FAM186A: variants seen among roughly 807,000 people sequenced by gnomAD.
The protein encoded by FAM186A is protein FAM186A.
In FAM186A, 163 loss-of-function variants were observed where a neutral mutation model predicts 216.8. The ratio of observed to expected loss-of-function variants is 0.75; its 90% CI spans 0.66 to 0.86. The LOEUF is 0.86. Ranked by LOEUF, FAM186A falls within the 40% of genes least tolerant of loss-of-function variation. The pLI is 0.00. For synonymous variants in FAM186A, 805 were observed against 1,025.3 expected (o/e 0.79, Z 4.10); for missense variants, 2,184 against 2,746.2 (o/e 0.80, Z 4.58).
intron 1 of FAM186A, among the ~76,000 whole-genome samples, chr12:50,379,964 GGAAA>G (rs80208853): frequency 0.96 from 145,980 of 152,022 alleles, 70,354 homozygotes; most frequent in East Asian, 1. Context: ...GGGAAAAGGT[GGAAA>G]GAAAGAAGGA....
chr12:50,369,996 C>T (rs889972003), intron 1 of FAM186A, among the ~76,000 whole-genome samples: 14 of 151,630 alleles, frequency 9.2e-5, no homozygotes, highest in South Asian at 2.1e-4. Flanking sequence ...TGGTGGTGGG[C>T]GCCTGTAGTC....
intron 7 of FAM186A, among the ~76,000 whole-genome samples, chr12:50,329,599 CTT>C (rs879714835): frequency 1.1e-4 from 15 of 140,132 alleles, no homozygotes; most frequent in Admixed American, 1.4e-4. Context: ...ATTAACACTA[CTT>C]TTTTTTTTTT....
chr12:50,335,285 G>C (rs971954005), intron 4 of FAM186A, among the ~76,000 whole-genome samples: 1 of 152,114 alleles, frequency 6.6e-6, no homozygotes, highest in Non-Finnish European at 1.5e-5. Flanking sequence ...GTGGCTATTT[G>C]TAATAAAAAT....
chr12:50,331,607 G>C (rs1942656629), intron 6 of FAM186A, 63 bp downstream of exon 6: 1 of 1,455,962 alleles, frequency 6.9e-7, no homozygotes, highest in Admixed American at 2.6e-5. Flanking sequence ...TTCTTGGGCA[G>C]GGAAAAAAAA....
intron 1 of FAM186A, among the ~76,000 whole-genome samples, chr12:50,374,649 C>T (rs1454060596): frequency 6.6e-6 from 1 of 152,116 alleles, no homozygotes; most frequent in Non-Finnish European, 1.5e-5. Flanking sequence ...AGGGTAATTT[C>T]CTCAACCTGA....
chr12:50,384,674 G>T (rs927279461), intron 1 of FAM186A, among the ~76,000 whole-genome samples: 6 of 147,400 alleles, frequency 4.1e-5, no homozygotes, highest in African/African-American at 1.5e-4. Flanking sequence ...TTTCAGCAAA[G>T]ATGCCAAAAA....
intron 4 of FAM186A, among the ~76,000 whole-genome samples, chr12:50,346,997 CAAAAAA>C (rs58421325): frequency 0.085 from 11,225 of 131,810 alleles, 852 homozygotes; most frequent in East Asian, 0.35. Context: ...GACTCTGTCT[CAAAAAA>C]AAAAAAAAAA....
intron 7 of FAM186A, among the ~76,000 whole-genome samples, chr12:50,329,119 C>T (rs1363646906): frequency 2.0e-5 from 3 of 151,506 alleles, no homozygotes; most frequent in Admixed American, 1.3e-4. Flanking sequence ...GACTCCGTCT[C>T]GAAAATGAAT....
rs1942909678 is a variant in FAM186A at position 50,352,635 on chromosome 12, G to A, written c.4197C>T (p.Leu1399=). The stretch of plus-strand genomic sequence containing the variant: ...CCAGTTCCTGAGCCTGCTGAGTGGT[G>A]AGAGGCATCCCCAAGGCCTGAGCCT... The part of the protein sequence containing the change: ...PQQAQALGMP[L]TTQQAQELGI... Residue 1399 remains leucine, a synonymous_variant, in exon 4 of 8, where the codon CTC becomes CTT. Transcript: ENST00000327337. 1 of 1,527,786 alleles carries A rather than the reference G, an allele frequency of 6.5e-7. No individual in the cohort carries two copies. Among genetic ancestry groups the A allele is most frequent in the Non-Finnish European group, 8.8e-7 (1 of 1,135,106 alleles). The allele number at this position is 1,527,786 out of a possible 1,614,324, so 94.6% of individuals were successfully genotyped here.
intron 7 of FAM186A, among the ~76,000 whole-genome samples, chr12:50,330,032 A>T (rs1254417291): frequency 6.6e-6 from 1 of 152,228 alleles, no homozygotes; most frequent in Non-Finnish European, 1.5e-5. Flanking sequence ...GTCCTGAAAG[A>T]GTTAATGCAG....
chr12:50,351,737 A>C lies in FAM186A; in HGVS notation c.5095T>G (p.Leu1699Val). 6.4e-7 allele frequency: 1 copy of C among 1,551,464 alleles called. No individual in the cohort carries two copies. Among genetic ancestry groups the C allele is most frequent in the Non-Finnish European group, 8.7e-7 (1 of 1,146,824 alleles). The change falls in exon 4 of 8, where the codon TTG becomes GTG. Residue 1699 changes from leucine to valine, a missense_variant. Leu to Val is a conservative substitution (Grantham distance 32). Transcript: ENST00000327337. ...TGCTTAAGGGTGAGGGGCGATCCCA[A>C]GGTATGGGCTTTATCTAAGGTGAGA... ...VPLTLDKAHT[L>V]GSPLTLKQVQ...
At chr12:50,329,304 A>T (rs1449151605) in intron 7 of FAM186A, among the ~76,000 whole-genome samples, 1 of 152,152 alleles carries the variant, frequency 6.6e-6, no homozygotes, top group Non-Finnish European at 1.5e-5. Flanking sequence ...TCATTAAATT[A>T]ACAATATTAT....
In FAM186A at chr12:50,350,381, AC is replaced by A. The variant is rs1942862628; in HGVS notation, c.6450del (p.Gln2150HisfsTer14). ...IIEILHMDTV[Q>X]LGYLFRKYIA... ...ATGTACTTGCGGAATAAGTATCCCA[AC>A]TGAACTGTGTCCATATGAAGTATCT... On this transcript the variant is annotated frameshift_variant, in exon 4 of 8. Transcript: ENST00000327337. LOFTEE classifies it high-confidence loss of function. 16 of 1,551,174 alleles carry A rather than the reference AC, an allele frequency of 1.0e-5. No individual in the cohort carries two copies. Among genetic ancestry groups the A allele is most frequent in the African/African-American group, 1.4e-5 (1 of 72,972 alleles).
intron 1 of FAM186A, among the ~76,000 whole-genome samples, chr12:50,391,024 C>T (rs769279793): frequency 4.0e-5 from 6 of 151,104 alleles, no homozygotes; most frequent in African/African-American, 9.7e-5. Context: ...AGTCTTGCTC[C>T]GTTGCCCAGG....
intron 1 of FAM186A, among the ~76,000 whole-genome samples, chr12:50,391,859 A>C (rs201297400): frequency 6.6e-6 from 1 of 152,316 alleles, no homozygotes; most frequent in East Asian, 1.9e-4. Flanking sequence ...ATGAAAGCAT[A>C]TATCTGTATA....
At chr12:50,342,749 AG>A (rs1375821302) in intron 4 of FAM186A, among the ~76,000 whole-genome samples, 1 of 147,862 alleles carries the variant, frequency 6.8e-6, no homozygotes, top group East Asian at 2.0e-4. Context: ...CTGGGATTAC[AG>A]GCGTGAGCCA....
rs1167515309 is a variant in FAM186A at position 50,383,249 on chromosome 12, TAAAAAAAAAA to T, written c.192+13034_192+13043del. Among the ~76,000 whole-genome samples the T allele has an allele frequency of 4.2e-3, 44 of 10,366 alleles. 2 individuals carry two copies. The East Asian group carries it at 0.051, about 12-fold the overall frequency. 6.8% of individuals were successfully genotyped at this position (10,366 alleles called of 152,430 possible). ...CTGGGTGACAGAGCAAGACTCCGTC[TAAAAAAAAAA>T]AAAAAAAAAAAAAAAAAAAAGAGAG... On this transcript the variant is annotated intron_variant, in intron 1 of 7. Transcript: ENST00000327337.
At chr12:50,383,577 C>CAGAGTG (rs1344755933) in intron 1 of FAM186A, among the ~76,000 whole-genome samples, 2 of 152,048 alleles carry the variant, frequency 1.3e-5, no homozygotes, top group African/African-American at 4.8e-5. Context: ...GCCTGGGCAA[C>CAGAGTG]AGAGTGAGAC....
chr12:50,354,259 C>G lies in FAM186A; in HGVS notation c.2573G>C (p.Ser858Thr), dbSNP rs1397715758. 1.3e-6 allele frequency: 2 copies of G among 1,551,626 alleles called. No homozygotes were observed. Among genetic ancestry groups the G allele is most frequent in the Non-Finnish European group, 8.7e-7 (1 of 1,146,990 alleles). Residue 858 changes from serine to threonine, a missense_variant, in exon 4 of 8, where the codon AGT (serine) becomes ACT (threonine). Ser to Thr is a moderately conservative substitution (Grantham distance 58, BLOSUM62 1). This residue lies in a region of FAM186A where 1,132 missense variants were observed against 1,263.4 expected (regional missense o/e 0.90). Transcript: ENST00000327337. Reference sequence around the variant, plus strand: ...TGCCTTTTTTTCTTCCCAATTCTCACTTATCTTCTCATAGTGCTCCTTCAA... The same window carrying G: ...TGCCTTTTTTTCTTCCCAATTCTCAGTTATCTTCTCATAGTGCTCCTTCAA... ...NLLKEHYEKI[S>T]ENWEEKKAWL...
Sources: allele counts gnomAD v4.1 joint callset (sites outside exome capture counted in the v4.1 genomes callset), GRCh38; gene constraint gnomAD v4.1.1; regional missense constraint gnomAD v4.1.1; transcripts MANE v1.5; gene names NCBI Gene and HGNC (gene_info 2026-07-23, HGNC 2026-07-21).